Variants in TENM3 observed in about 807,000 individuals in gnomAD.
The protein encoded by TENM3 is teneurin transmembrane protein 3.
TENM3 carries 63 observed loss-of-function variants against 255.1 expected under a neutral mutation model. The observed-to-expected ratio is 0.25, with a 90% CI of 0.20 to 0.30. The LOEUF (loss-of-function observed/expected upper bound fraction) is 0.30, where lower values mean the gene tolerates loss of function less well. TENM3 is among the 10% of genes least tolerant of loss of function. The probability of loss-of-function intolerance (pLI) is 1.00; values close to 1 mark genes in which losing one functional copy is unlikely to be tolerated. For missense variants in TENM3, 2,929 were observed against 3,461.1 expected (o/e 0.85, Z 3.86); for synonymous variants, 1,306 against 1,322.3 (o/e 0.99, Z 0.27).
intron 3 of TENM3, among the ~76,000 whole-genome samples, chr4:182,469,370 A>T (rs969200413): frequency 6.6e-6 from 1 of 152,172 alleles, no homozygotes; most frequent in African/African-American, 2.4e-5. Context: ...TTGTAACTCT[A>T]GATAGAGAAG....
At chr4:181,789,138 T>A in the TENM3 span, among the ~76,000 whole-genome samples, 1 of 152,222 alleles carries the variant, frequency 6.6e-6, no homozygotes, top group Non-Finnish European at 1.5e-5. Context: ...TTGCCCCAGT[T>A]CTTGTCACAG....
chr4:182,427,257 A>G (rs1436763337), intron 3 of TENM3, among the ~76,000 whole-genome samples: 1 of 152,192 alleles, frequency 6.6e-6, no homozygotes, highest in Non-Finnish European at 1.5e-5. Flanking sequence ...AATGGCTGAG[A>G]TCACATTTGC....
the TENM3 span, among the ~76,000 whole-genome samples, chr4:181,977,009 G>A: frequency 6.6e-6 from 1 of 152,206 alleles, no homozygotes; most frequent in Non-Finnish European, 1.5e-5. Context: ...ACACTGCAAA[G>A]AGAATGCACC....
chr4:181,953,914 T>G, the TENM3 span, among the ~76,000 whole-genome samples: 1 of 152,154 alleles, frequency 6.6e-6, no homozygotes, highest in African/African-American at 2.4e-5. Flanking sequence ...ACCCTGAACG[T>G]TTTCTTGTGA....
intron 3 of TENM3, among the ~76,000 whole-genome samples, chr4:182,424,151 T>C (rs1408895720): frequency 1.3e-5 from 2 of 152,188 alleles, no homozygotes; most frequent in African/African-American, 2.4e-5. Context: ...GGACTAATTT[T>C]TTCTGTATTT....
the TENM3 span, among the ~76,000 whole-genome samples, chr4:182,043,217 G>A: frequency 2.0e-5 from 3 of 152,116 alleles, no homozygotes; most frequent in Non-Finnish European, 4.4e-5. Flanking sequence ...TAAAACTCTG[G>A]AATGAATAGC....
intron 3 of TENM3, among the ~76,000 whole-genome samples, chr4:182,447,243 A>C (rs2151291095): frequency 6.6e-6 from 1 of 152,074 alleles, no homozygotes; most frequent in South Asian, 2.1e-4. Context: ...TTTGTGAGTC[A>C]CGATTTTAGA....
chr4:181,711,878 T>G, the TENM3 span, among the ~76,000 whole-genome samples: 1 of 151,990 alleles, frequency 6.6e-6, no homozygotes, highest in Non-Finnish European at 1.5e-5. Context: ...TCTCAAAGGG[T>G]TGTTGTGAAG....
the TENM3 span, among the ~76,000 whole-genome samples, chr4:181,953,979 C>G: frequency 6.6e-6 from 1 of 152,154 alleles, no homozygotes; most frequent in Non-Finnish European, 1.5e-5. Flanking sequence ...AGTCTTCTGT[C>G]ACTAAGGACT....
rs559529888 is a variant in TENM3, at chr4:182,747,775, A to C, written c.3630-4025A>C. Among the ~76,000 whole-genome samples, 6 of 152,258 alleles carry C rather than the reference A, an allele frequency of 3.9e-5. No homozygotes were observed. In the East Asian group the frequency reaches 7.7e-4, roughly 20 times the overall value. On this transcript the variant is annotated intron_variant, in intron 19 of 27. Transcript: ENST00000511685. ...AAAGTGTAGATACCAAATTATAAAAATTTTATTCAGTACCCCTTATTGACT... is the reference window on the plus strand; with the variant it reads ...AAAGTGTAGATACCAAATTATAAAACTTTTATTCAGTACCCCTTATTGACT...
chr4:181,576,665 A>T, the TENM3 span, among the ~76,000 whole-genome samples: 1 of 152,142 alleles, frequency 6.6e-6, no homozygotes, highest in Non-Finnish European at 1.5e-5. Flanking sequence ...TTGAATGCGT[A>T]TGTAAGGGAA....
intron 1 of TENM3, among the ~76,000 whole-genome samples, chr4:182,286,985 T>G (rs1760774390): frequency 6.6e-6 from 1 of 152,206 alleles, no homozygotes; most frequent in South Asian, 2.1e-4. Flanking sequence ...CCCAGTGTTT[T>G]GGGAGGCCAA....
the TENM3 span, among the ~76,000 whole-genome samples, chr4:181,766,574 G>C: frequency 6.6e-6 from 1 of 152,098 alleles, no homozygotes; most frequent in Non-Finnish European, 1.5e-5. Context: ...TTTCTTCTGA[G>C]AGAAAAGGAG....
At chr4:181,496,032 AC>A in the TENM3 span, among the ~76,000 whole-genome samples, 1 of 152,124 alleles carries the variant, frequency 6.6e-6, no homozygotes, top group Non-Finnish European at 1.5e-5. Context: ...AGTATCAGAC[AC>A]CTGCCAGAGC....
chr4:182,485,364 C>T (rs1197249001), intron 3 of TENM3, among the ~76,000 whole-genome samples: 1 of 150,824 alleles, frequency 6.6e-6, no homozygotes, highest in Non-Finnish European at 1.5e-5. Context: ...GATGACTTCA[C>T]AAATTTTTTT....
At chr4:181,668,217 G>A in the TENM3 span, among the ~76,000 whole-genome samples, 7 of 152,154 alleles carry the variant, frequency 4.6e-5, no homozygotes, top group South Asian at 4.1e-4. Flanking sequence ...CAAATATAAC[G>A]TCCACAGTTG....
chr4:181,997,524 T>C, the TENM3 span, among the ~76,000 whole-genome samples: 1 of 152,178 alleles, frequency 6.6e-6, no homozygotes, highest in Non-Finnish European at 1.5e-5. Context: ...AAAGATCTAT[T>C]GCATTTCATG....
chr4:181,612,528 G>GTGTGTGTC, the TENM3 span, among the ~76,000 whole-genome samples: 103 of 151,984 alleles, frequency 6.8e-4, 1 homozygote, highest in Middle Eastern at 3.4e-3. Flanking sequence ...GTGTGTCAGA[G>GTGTGTGTC]AGAGAGAGAG....
intron 3 of TENM3, among the ~76,000 whole-genome samples, chr4:182,537,968 C>T (rs1395409339): frequency 9.2e-5 from 14 of 152,150 alleles, no homozygotes; most frequent in Admixed American, 9.2e-4. Context: ...AGTGATTTAA[C>T]TGTTTTTATT....
Sources: gnomAD v4.1 joint callset for allele counts (sites outside exome capture counted in the v4.1 genomes callset) on GRCh38, gnomAD v4.1.1 for gene constraint, MANE v1.5 for transcripts, NCBI Gene and HGNC (gene_info 2026-07-23, HGNC 2026-07-21) for gene names.